The following CSMD3 variants were observed in gnomAD, a reference collection of about 807,000 sequenced individuals.
CSMD3 encodes CUB and Sushi multiple domains 3, also known as CUB and sushi domain-containing protein 3.
A neutral mutation model predicts 435.2 loss-of-function variants in CSMD3; 177 were observed. That is an observed-to-expected ratio of 0.41 (90% confidence interval 0.36 to 0.46). The LOEUF (loss-of-function observed/expected upper bound fraction) is 0.46, where lower values mean the gene tolerates loss of function less well. Ranked by LOEUF, CSMD3 falls within the 20% of genes least tolerant of loss-of-function variation. The pLI is 0.34. For synonymous variants in CSMD3, 1,656 were observed against 1,520.5 expected (o/e 1.09, Z -2.07); for missense variants, 4,265 against 4,504.6 (o/e 0.95, Z 1.52).
At chr8:112,746,555 T>G (rs921272154) in intron 13 of CSMD3, among the ~76,000 whole-genome samples, 2 of 152,212 alleles carry the variant, frequency 1.3e-5, no homozygotes, top group East Asian at 3.8e-4. Context: ...AAATATATAG[T>G]GTTGTTCTTT....
chr8:113,109,700 C>G (rs1346108743), intron 4 of CSMD3, among the ~76,000 whole-genome samples: 3 of 152,166 alleles, frequency 2.0e-5, no homozygotes, highest in Non-Finnish European at 4.4e-5. Flanking sequence ...TGGAGCTCTC[C>G]AAAGCTGAAA....
chr8:113,317,791 T>C (rs1434136977), intron 1 of CSMD3, among the ~76,000 whole-genome samples: 2 of 152,062 alleles, frequency 1.3e-5, no homozygotes, highest in Non-Finnish European at 1.5e-5. Flanking sequence ...CAGATATCCA[T>C]TCTATATTAT....
chr8:112,602,058 T>A (rs1563755974), intron 22 of CSMD3, among the ~76,000 whole-genome samples: 1 of 152,048 alleles, frequency 6.6e-6, no homozygotes, highest in African/African-American at 2.4e-5. Flanking sequence ...TACTTTAGAG[T>A]GGTCACTGTC....
In CSMD3 at chr8:112,910,741, G is replaced by T. The variant is rs189018898; in HGVS notation, c.1633+10886C>A. ...CCGTCTACAAACCTAGCTAGCTCTT[G>T]CCTTTGCTTCAGAGGCAAGCTTCCA... On this transcript the variant is annotated intron_variant, in intron 10 of 70. Transcript: ENST00000297405. 1.1e-4 allele frequency among the ~76,000 whole-genome samples: 16 copies of T among 151,872 alleles called. No homozygotes were observed. In the East Asian group the frequency reaches 2.9e-3, roughly 28 times the overall value.
chr8:112,635,637 T>A (rs1298111602), intron 22 of CSMD3, among the ~76,000 whole-genome samples: 1 of 152,130 alleles, frequency 6.6e-6, no homozygotes, highest in Non-Finnish European at 1.5e-5. Context: ...CTGTGATTTT[T>A]AAAGAGAAAT....
chr8:113,116,305 C>T (rs986525683), intron 4 of CSMD3, among the ~76,000 whole-genome samples: 17 of 152,120 alleles, frequency 1.1e-4, no homozygotes, highest in African/African-American at 4.1e-4. Context: ...AGTAAGTTCT[C>T]ACAAGATCTT....
At chr8:112,879,431 C>T (rs1022034239) in intron 10 of CSMD3, among the ~76,000 whole-genome samples, 1 of 152,090 alleles carries the variant, frequency 6.6e-6, no homozygotes, top group African/African-American at 2.4e-5. Context: ...CCCAGTGGGA[C>T]ATGGACCCTC....
At chr8:112,341,981 T>G (rs1487375079) in intron 41 of CSMD3, among the ~76,000 whole-genome samples, 1 of 152,138 alleles carries the variant, frequency 6.6e-6, no homozygotes, top group Admixed American at 6.6e-5. Flanking sequence ...TTCTTATTCT[T>G]TAATACGCTT....
intron 32 of CSMD3, among the ~76,000 whole-genome samples, chr8:112,445,769 CAACT>C (rs1469918129): frequency 6.6e-6 from 1 of 152,124 alleles, no homozygotes; most frequent in East Asian, 1.9e-4. Flanking sequence ...AGCCTAAAAG[CAACT>C]AACTGACTTT....
chr8:112,367,137 T>C (rs1179676218), intron 38 of CSMD3, among the ~76,000 whole-genome samples: 5 of 152,104 alleles, frequency 3.3e-5, no homozygotes, highest in Non-Finnish European at 7.4e-5. Context: ...GCAGCATGAC[T>C]ATAAATATTT....
At chr8:113,431,281 T>C (rs2094671216) in intron 1 of CSMD3, among the ~76,000 whole-genome samples, 1 of 152,150 alleles carries the variant, frequency 6.6e-6, no homozygotes, top group Non-Finnish European at 1.5e-5. Flanking sequence ...CTTTGGATGA[T>C]GAGTAAAGGG....
intron 1 of CSMD3, among the ~76,000 whole-genome samples, chr8:113,322,967 A>T (rs193159299): frequency 3.9e-5 from 6 of 152,048 alleles, no homozygotes; most frequent in Non-Finnish European, 8.8e-5. Flanking sequence ...GCTGGTCTCA[A>T]ACTCCTGACC....
At chr8:112,387,740 GT>G (rs1830100267) in intron 36 of CSMD3, among the ~76,000 whole-genome samples, 1 of 152,124 alleles carries the variant, frequency 6.6e-6, no homozygotes, top group Non-Finnish European at 1.5e-5. Context: ...TATGTGTCCA[GT>G]TTTGAATAGT....
intron 1 of CSMD3, among the ~76,000 whole-genome samples, chr8:113,357,439 T>C (rs1191557339): frequency 6.6e-6 from 1 of 152,218 alleles, no homozygotes; most frequent in African/African-American, 2.4e-5. Flanking sequence ...ATTCAGTACT[T>C]GAAATGTGAC....
intron 7 of CSMD3, among the ~76,000 whole-genome samples, chr8:112,955,186 TTA>T (rs1246312443): frequency 9.9e-5 from 15 of 151,706 alleles, no homozygotes; most frequent in Non-Finnish European, 2.1e-4. Flanking sequence ...TCCTAAAAAT[TTA>T]GTCTATTTGA....
chr8:113,434,687 CTCTTCCT>C (rs2094694589), intron 1 of CSMD3, among the ~76,000 whole-genome samples: 1 of 152,194 alleles, frequency 6.6e-6, no homozygotes, highest in Non-Finnish European at 1.5e-5. Flanking sequence ...CTATGACATA[CTCTTCCT>C]TCTCAATATC....
chr8:112,766,310 T>TA (rs1181032545), intron 13 of CSMD3, among the ~76,000 whole-genome samples: 2 of 151,668 alleles, frequency 1.3e-5, no homozygotes, highest in East Asian at 1.9e-4. Context: ...ATATTTTTTT[T>TA]TTTGGTCAGA....
intron 1 of CSMD3, among the ~76,000 whole-genome samples, chr8:113,328,437 CAAAA>C (rs1192557099): frequency 4.8e-5 from 3 of 63,016 alleles, no homozygotes; most frequent in East Asian, 4.5e-4. Context: ...GACTCCGTCT[CAAAA>C]AAAAAAAAAA....
chr8:112,666,181 A>G, intron 17 of CSMD3, 96 bp downstream of exon 17: 1 of 1,000,922 alleles, frequency 1.0e-6, no homozygotes, highest in Non-Finnish European at 1.5e-6. Context: ...GACTATTACA[A>G]TAAAATTAAA....
Sources: allele counts gnomAD v4.1 joint callset (sites outside exome capture counted in the v4.1 genomes callset), GRCh38; gene constraint gnomAD v4.1.1; transcripts MANE v1.5; gene names NCBI Gene and HGNC (gene_info 2026-07-23, HGNC 2026-07-21).